THSD7B: variants seen among roughly 807,000 people sequenced by gnomAD.
The protein encoded by THSD7B is thrombospondin type-1 domain-containing protein 7B.
THSD7B carries 138 observed loss-of-function variants against 213.6 expected under a neutral mutation model. The ratio of observed to expected loss-of-function variants is 0.65; its 90% CI spans 0.56 to 0.74. The LOEUF is 0.74. Among genes scored for constraint, THSD7B ranks in the 30% least tolerant of loss-of-function variants. The probability of loss-of-function intolerance (pLI) is 0.00; values close to 1 mark genes in which losing one functional copy is unlikely to be tolerated. For missense variants in THSD7B, 1,931 were observed against 1,991.5 expected (o/e 0.97, Z 0.58); for synonymous variants, 742 against 687.0 (o/e 1.08, Z -1.25).
chr2:136,827,722 T>A (rs1682671105), intron 1 of THSD7B, among the ~76,000 whole-genome samples: 1 of 151,900 alleles, frequency 6.6e-6, no homozygotes, highest in South Asian at 2.1e-4. Context: ...GATGTAACCA[T>A]TGGTTATCAG....
At chr2:136,788,241 A>G (rs16836706) in intron 1 of THSD7B, among the ~76,000 whole-genome samples, 7,114 of 152,286 alleles carry the variant, frequency 0.047, 557 homozygotes, top group African/African-American at 0.16. Context: ...TACTAGAGTT[A>G]TGCATACACT....
intron 2 of THSD7B, among the ~76,000 whole-genome samples, chr2:136,991,555 T>C (rs1309797281): frequency 6.6e-6 from 1 of 152,054 alleles, no homozygotes; most frequent in Non-Finnish European, 1.5e-5. Flanking sequence ...ATTGCTTGGG[T>C]TCCAGAGTAG....
intron 1 of THSD7B, among the ~76,000 whole-genome samples, chr2:136,799,536 T>A (rs1386371676): frequency 1.3e-5 from 2 of 152,012 alleles, no homozygotes; most frequent in Non-Finnish European, 2.9e-5. Flanking sequence ...ATATTGCACA[T>A]CATTACTTCC....
At chr2:136,795,221 A>G (rs1456077728) in intron 1 of THSD7B, among the ~76,000 whole-genome samples, 6 of 151,924 alleles carry the variant, frequency 3.9e-5, no homozygotes, top group South Asian at 2.1e-4. Flanking sequence ...GCAGGGCTGT[A>G]TTTCTTTTGG....
At chr2:137,140,335 T>G (rs887791751) in intron 5 of THSD7B, among the ~76,000 whole-genome samples, 20 of 152,178 alleles carry the variant, frequency 1.3e-4, no homozygotes, top group African/African-American at 4.6e-4. Context: ...ATTTAGCATG[T>G]TTTTCTTATA....
intron 10 of THSD7B, among the ~76,000 whole-genome samples, chr2:137,242,899 C>G (rs2105065808): frequency 6.6e-6 from 1 of 152,230 alleles, no homozygotes; most frequent in Non-Finnish European, 1.5e-5. Context: ...ATCACAGTTT[C>G]TATGTGGCTC....
intron 16 of THSD7B, among the ~76,000 whole-genome samples, chr2:137,565,942 G>C (rs1006218397): frequency 6.6e-6 from 1 of 152,174 alleles, no homozygotes. Flanking sequence ...TCAACCCACT[G>C]AGGTAGCCCT....
chr2:137,303,718 A>ATATATATATTTT (rs1438541425), intron 12 of THSD7B, among the ~76,000 whole-genome samples: 3 of 114,458 alleles, frequency 2.6e-5, no homozygotes, highest in Admixed American at 9.3e-5. Context: ...ATATATATTT[A>ATATATATATTTT]TATATATATT....
chr2:137,079,243 T>A (rs1161748647), intron 3 of THSD7B, among the ~76,000 whole-genome samples: 4 of 152,190 alleles, frequency 2.6e-5, no homozygotes, highest in Non-Finnish European at 4.4e-5. Flanking sequence ...AATATATATG[T>A]ACTTAATTGA....
chr2:137,070,384 T>G (rs977039616), intron 3 of THSD7B, among the ~76,000 whole-genome samples: 4 of 151,956 alleles, frequency 2.6e-5, no homozygotes, highest in Non-Finnish European at 5.9e-5. Context: ...TTTTAATAAT[T>G]TATAATTATA....
chr2:137,038,457 C>A (rs557228537), intron 2 of THSD7B, among the ~76,000 whole-genome samples: 13 of 152,270 alleles, frequency 8.5e-5, no homozygotes, highest in African/African-American at 2.6e-4. Context: ...AAAGAGCTGC[C>A]ACTGCCCTTG....
intron 17 of THSD7B, among the ~76,000 whole-genome samples, chr2:137,585,565 C>T (rs569652396): frequency 1.3e-5 from 2 of 152,248 alleles, no homozygotes; most frequent in Admixed American, 1.3e-4. Flanking sequence ...TTTCAAAGAA[C>T]ATCTTTATTT....
At chr2:137,059,023 G>A in intron 3 of THSD7B, among the ~76,000 whole-genome samples, 1 of 152,154 alleles carries the variant, frequency 6.6e-6, no homozygotes, top group South Asian at 2.1e-4. Flanking sequence ...ACCATAGTTT[G>A]GGAATTTAAA....
intron 14 of THSD7B, among the ~76,000 whole-genome samples, chr2:137,421,049 C>CCTT (rs58774508): frequency 0.98 from 149,287 of 152,168 alleles, 73,281 homozygotes; most frequent in Non-Finnish European, 1. Flanking sequence ...CCTTTTGACT[C>CCTT]CTTATAAAAA....
At chr2:137,222,570 T>C (rs34811789) in intron 7 of THSD7B, among the ~76,000 whole-genome samples, 7,028 of 152,300 alleles carry the variant, frequency 0.046, 200 homozygotes, top group Admixed American at 0.069. Context: ...GTCTGCTTTT[T>C]TCCTGTATAC....
chr2:136,839,734 C>CT (rs796296929), intron 1 of THSD7B, among the ~76,000 whole-genome samples: 58 of 152,000 alleles, frequency 3.8e-4, no homozygotes, highest in African/African-American at 1.3e-3. Context: ...TTTCTTCTTC[C>CT]TTTTTTTTCT....
intron 2 of THSD7B, among the ~76,000 whole-genome samples, chr2:137,045,338 T>A (rs1432787525): frequency 6.6e-6 from 1 of 152,194 alleles, no homozygotes; most frequent in Non-Finnish European, 1.5e-5. Flanking sequence ...ACACAAGCAC[T>A]GCCATACTGC....
chr2:137,448,656 G>A (rs1304651900), intron 14 of THSD7B, among the ~76,000 whole-genome samples: 6 of 152,072 alleles, frequency 3.9e-5, no homozygotes, highest in Admixed American at 3.9e-4. Flanking sequence ...AAAATTAGCC[G>A]GGAGCGGTGG....
chr2:137,419,343 T>C lies in THSD7B; in HGVS notation c.2959+7471T>C, dbSNP rs569579708. Among the ~76,000 whole-genome samples, 7 of 150,696 alleles carry C rather than the reference T, an allele frequency of 4.6e-5. No homozygotes were observed. In the South Asian group the frequency reaches 1.5e-3, roughly 32 times the overall value. Reference sequence around the variant, plus strand: ...TATCCTGTAGCCACTGCAATTGAGCTCTCAGCCCCCACTTTTGGTGGGTCC... The same window carrying C: ...TATCCTGTAGCCACTGCAATTGAGCCCTCAGCCCCCACTTTTGGTGGGTCC... On this transcript the variant is annotated intron_variant, in intron 14 of 27. Transcript: ENST00000409968.
Sources: allele counts gnomAD v4.1 joint callset (sites outside exome capture counted in the v4.1 genomes callset), GRCh38; gene constraint gnomAD v4.1.1; transcripts MANE v1.5; gene names NCBI Gene and HGNC (gene_info 2026-07-23, HGNC 2026-07-21).